Variants in CROT observed in about 807,000 individuals in gnomAD.
The protein encoded by CROT is carnitine O-octanoyltransferase.
A neutral mutation model predicts 89.2 loss-of-function variants in CROT; 84 were observed. That is an observed-to-expected ratio of 0.94 (90% CI 0.79 to 1.13). CROT has a LOEUF of 1.13. Among genes scored for constraint, CROT ranks in the 50% most tolerant of loss-of-function variants. The pLI, the probability that CROT is intolerant of heterozygous loss-of-function variation, is 0.00. For synonymous variants in CROT, 212 were observed against 239.5 expected, an observed-to-expected ratio of 0.89 and a Z score of 1.06; for missense variants, 711 against 727.8, an observed-to-expected ratio of 0.98 and a Z score of 0.27.
intron 6 of CROT, among the ~76,000 whole-genome samples, chr7:87,365,044 A>G (rs1478201939): frequency 2.0e-5 from 3 of 152,222 alleles, no homozygotes; most frequent in Non-Finnish European, 4.4e-5. Flanking sequence ...ATGTGTGTTC[A>G]TGCATTTAAA....
intron 3 of CROT, among the ~76,000 whole-genome samples, chr7:87,353,540 G>C (rs774013015): frequency 2.6e-5 from 4 of 152,144 alleles, no homozygotes; most frequent in Non-Finnish European, 4.4e-5. Flanking sequence ...AAATACCTGA[G>C]GCTGGGTAAT....
intron 7 of CROT, 38 bp downstream of exon 7, chr7:87,369,522 T>C (rs765327648): frequency 2.2e-6 from 3 of 1,374,348 alleles, no homozygotes; most frequent in Admixed American, 3.7e-5. Flanking sequence ...TTAGGTCTTA[T>C]GGTGTTGCTT....
chr7:87,365,603 T>C (rs1454926410), intron 6 of CROT, among the ~76,000 whole-genome samples: 1 of 146,588 alleles, frequency 6.8e-6, no homozygotes, highest in African/African-American at 2.7e-5. Context: ...TTAAAACTAG[T>C]TTTTTGTTTT....
rs1806785524 is a variant in CROT, at chr7:87,375,619, C to G, written c.657-13C>G. 6.3e-7 allele frequency: 1 copy of G among 1,595,518 alleles called. No homozygotes were observed. The highest frequency in any genetic ancestry group is 8.6e-7 in the Non-Finnish European group (1 of 1,164,394). On this transcript the variant is annotated splice_polypyrimidine_tract_variant and intron_variant, in intron 7 of 17. Transcript: ENST00000331536. ...CTGTACTCTTTTTTAATCTTCTTTTCATCTTCCATAAGACAACTGACATAT... is the reference window on the plus strand; with the variant it reads ...CTGTACTCTTTTTTAATCTTCTTTTGATCTTCCATAAGACAACTGACATAT...
At chr7:87,370,775 G>T (rs1046073290) in intron 7 of CROT, among the ~76,000 whole-genome samples, 1 of 152,176 alleles carries the variant, frequency 6.6e-6, no homozygotes, top group Non-Finnish European at 1.5e-5. Context: ...TTTGAAAAAG[G>T]CTGCTGTGAA....
chr7:87,390,759 A>G (rs1807333421), intron 13 of CROT, among the ~76,000 whole-genome samples: 1 of 152,224 alleles, frequency 6.6e-6, no homozygotes, highest in Non-Finnish European at 1.5e-5. Context: ...CATGTTCTAT[A>G]TGGAGGCACT....
Position 87,352,351 on chromosome 7 carries a change from C to A in CROT, c.115+3168C>A, listed in dbSNP as rs148424194. On this transcript the variant is annotated intron_variant, in intron 3 of 17. Coordinates refer to ENST00000331536, the MANE Select transcript of CROT (RefSeq NM_021151.4). ...GATCCATCATGTCCCTTGGTGGGACCACTATGGCCAAGGGACTTAAACAAA... is the reference window on the plus strand; with the variant it reads ...GATCCATCATGTCCCTTGGTGGGACAACTATGGCCAAGGGACTTAAACAAA... Among the ~76,000 whole-genome samples the A allele has an allele frequency of 2.8e-3, 431 of 152,250 alleles. 2 individuals carry two copies. Among genetic ancestry groups the A allele is most frequent in the African/African-American group, 9.8e-3 (407 of 41,538 alleles).
At chr7:87,359,472 A>G (rs1806207806) in intron 4 of CROT, 142 bp downstream of exon 4, 4 of 1,396,052 alleles carry the variant, frequency 2.9e-6, no homozygotes, top group Admixed American at 3.2e-5. Context: ...GGAATGAATC[A>G]CTTAACTTTG....
At chr7:87,347,788 A>G (rs939181340) in intron 2 of CROT, among the ~76,000 whole-genome samples, 7 of 152,148 alleles carry the variant, frequency 4.6e-5, no homozygotes, top group African/African-American at 1.7e-4. Context: ...AAATGAGGCC[A>G]TGGTGCTGTT....
chr7:87,352,811 CTTAAA>C (rs1805918836), intron 3 of CROT, among the ~76,000 whole-genome samples: 1 of 152,200 alleles, frequency 6.6e-6, no homozygotes, highest in Non-Finnish European at 1.5e-5. Flanking sequence ...TAGCCAAATA[CTTAAA>C]TTATTTAATA....
intron 1 of CROT, among the ~76,000 whole-genome samples, chr7:87,346,010 A>T (rs545827391): frequency 6.6e-6 from 1 of 152,180 alleles, no homozygotes; most frequent in African/African-American, 2.4e-5. Context: ...GTTGGTGGGA[A>T]GAGCCTCCGA....
In CROT at chr7:87,381,984, A is replaced by C; in HGVS notation, c.1053A>C (p.Gly351=). The C allele has an allele frequency of 6.2e-7, 1 of 1,603,196 alleles. No homozygotes were observed. The highest frequency in any genetic ancestry group is 8.5e-7 in the Non-Finnish European group (1 of 1,171,400). ...ATGAGAAAATTTTTCAGAATGAAGG[A>C]AGATGGAAGGTATGTTTGAATAAAT... The part of the protein sequence containing the change: ...YVDEKIFQNE[G]RWKGSEKVRD... Residue 351 remains glycine (G), a synonymous_variant, in exon 11 of 18, where the codon GGA becomes GGC. Coordinates refer to ENST00000331536, the MANE Select transcript of CROT (RefSeq NM_021151.4).
Position 87,377,361 on chromosome 7 carries a change from A to G in CROT, c.889A>G (p.Ile297Val), listed in dbSNP as rs1562934923. 2 of 1,600,496 alleles carry G rather than the reference A, an allele frequency of 1.2e-6. No individual in the cohort carries two copies. The highest frequency in any genetic ancestry group is 1.7e-6 in the Non-Finnish European group (2 of 1,171,106). Residue 297 changes from isoleucine (I) to valine (V), a missense_variant, in exon 10 of 18, where the codon ATC becomes GTC. Transcript: ENST00000331536. ...AAATTTATTTTAGATTATTGCAGCC[A>G]TCCTTATTGGAGATCCAACAGTACG... ...PEDYSEIIAA[I>V]LIGDPTVRWG...
At chr7:87,382,337 A>G (rs1188259895) in intron 12 of CROT, 76 bp from the exon 13 acceptor site, 5 of 1,485,610 alleles carry the variant, frequency 3.4e-6, no homozygotes, top group Non-Finnish European at 4.6e-6. Context: ...ACTTTAATGC[A>G]GGTGATAATT....
At chr7:87,357,610 G>C (rs930861691) in intron 3 of CROT, 1 of 941,260 alleles carries the variant, frequency 1.1e-6, no homozygotes, top group South Asian at 1.4e-5. Flanking sequence ...AGAGTGCAGT[G>C]AGAAGAGACA....
chr7:87,361,075 C>G (rs968817316), intron 4 of CROT, among the ~76,000 whole-genome samples: 4 of 151,976 alleles, frequency 2.6e-5, no homozygotes. Context: ...CTCAGGTGGT[C>G]CTCCTGCCTC....
intron 7 of CROT, chr7:87,375,403 CTAAATTTATTTACTGAAA>C (rs1806777750): frequency 4.5e-6 from 2 of 448,182 alleles, no homozygotes; most frequent in East Asian, 3.8e-5. Context: ...TAGCCAATAA[CTAAATTTATTTACTGAAA>C]TTAAATTATT....
chr7:87,354,853 T>C (rs1467943526), intron 3 of CROT, among the ~76,000 whole-genome samples: 1 of 152,222 alleles, frequency 6.6e-6, no homozygotes, highest in Non-Finnish European at 1.5e-5. Flanking sequence ...AAGACTTATT[T>C]ATAAATGATT....
In CROT at chr7:87,398,578, G is replaced by C; in HGVS notation, c.1773G>C (p.Lys591Asn). 6.2e-7 allele frequency: 1 copy of C among 1,613,826 alleles called. No individual in the cohort carries two copies. The highest frequency in any genetic ancestry group is 8.5e-7 in the Non-Finnish European group (1 of 1,179,874). ...CCTGTCCCGAGACTGATGCGGAAAA[G>C]CTAGTTCAGCTGACTTTTTGTGCTT... Reference protein sequence around the residue: ...WKSCPETDAEKLVQLTFCAFH... With the variant: ...WKSCPETDAENLVQLTFCAFH... The change falls in exon 18 of 18, where the codon AAG (lysine) becomes AAC (asparagine). Residue 591 changes from lysine to asparagine, a missense_variant. Physicochemically the swap from Lys to Asn is moderately conservative, Grantham distance 94. Transcript: ENST00000331536.
Sources: allele counts gnomAD v4.1 joint callset (sites outside exome capture counted in the v4.1 genomes callset), GRCh38; gene constraint gnomAD v4.1.1; transcripts MANE v1.5; gene names NCBI Gene and HGNC (gene_info 2026-07-23, HGNC 2026-07-21).